ADGRB3: variants seen among roughly 807,000 people sequenced by gnomAD.
ADGRB3 encodes adhesion G protein-coupled receptor B3.
ADGRB3 carries 37 observed loss-of-function variants against 193.4 expected under a neutral mutation model. The observed-to-expected ratio is 0.19, with a 90% CI of 0.15 to 0.25. The LOEUF (loss-of-function observed/expected upper bound fraction) is 0.25. ADGRB3 is among the 10% of genes least tolerant of loss of function. The pLI is 1.00. For missense variants in ADGRB3, 1,637 were observed against 1,852.9 expected (o/e 0.88, Z 2.14); for synonymous variants, 690 against 644.2 (o/e 1.07, Z -1.08).
At chr6:69,179,731 G>T (rs553188285) in intron 17 of ADGRB3, among the ~76,000 whole-genome samples, 51 of 152,192 alleles carry the variant, frequency 3.4e-4, no homozygotes, top group African/African-American at 1.2e-3. Flanking sequence ...GCTGGGTAAG[G>T]TTTTTTGGCT....
At chr6:69,275,019 C>T (rs547622150) in intron 20 of ADGRB3, among the ~76,000 whole-genome samples, 41 of 152,150 alleles carry the variant, frequency 2.7e-4, no homozygotes, top group African/African-American at 9.4e-4. Context: ...TTGTTTGGCC[C>T]CCTACCACAG....
At chr6:69,159,853 C>T (rs182314128) in intron 17 of ADGRB3, among the ~76,000 whole-genome samples, 278 of 152,194 alleles carry the variant, frequency 1.8e-3, no homozygotes, top group South Asian at 3.5e-3. Flanking sequence ...GCATTCCAAA[C>T]GCAAATTCCA....
At position 69,031,661 on chromosome 6, in the gene ADGRB3, T is replaced by C. The variant is rs577572444; in HGVS notation, c.2107+13162T>C. On this transcript the variant is annotated intron_variant, in intron 13 of 31. Coordinates refer to ENST00000370598, the MANE Select transcript of ADGRB3 (RefSeq NM_001704.3). The stretch of plus-strand genomic sequence containing the variant: ...TCTTTTTTTATTTTTTTGAGACAGG[T>C]TCTTAATTTGTCACTCAGGCTGGAG... Among the ~76,000 whole-genome samples, 479 of 150,924 alleles carry C rather than the reference T, an allele frequency of 3.2e-3. 2 individuals carry two copies. The highest frequency in any genetic ancestry group is 0.011 in the African/African-American group (465 of 41,034).
chr6:68,649,965 A>C lies in ADGRB3; in HGVS notation c.757+10533A>C, dbSNP rs140880750. Among the ~76,000 whole-genome samples, 479 of 152,266 alleles carry C rather than the reference A, an allele frequency of 3.1e-3. 1 individual carries two copies. The highest frequency in any genetic ancestry group is 3.8e-3 in the Non-Finnish European group (256 of 68,026). ...CCACTGTTTCTAGCTCTGGGCACTG[A>C]ACTATCTTTCCTTGCTTACTCAAAG... On this transcript the variant is annotated intron_variant, in intron 3 of 31. Coordinates refer to ENST00000370598, the MANE Select transcript of ADGRB3 (RefSeq NM_001704.3).
At chr6:68,830,606 A>G (rs1176181965) in intron 3 of ADGRB3, among the ~76,000 whole-genome samples, 1 of 152,174 alleles carries the variant, frequency 6.6e-6, no homozygotes, top group Non-Finnish European at 1.5e-5. Context: ...ATATTTTAAA[A>G]TACCATGAAA....
intron 17 of ADGRB3, among the ~76,000 whole-genome samples, chr6:69,150,166 A>T (rs1334064610): frequency 6.6e-6 from 1 of 152,130 alleles, no homozygotes; most frequent in Non-Finnish European, 1.5e-5. Context: ...TGGTGAAGCC[A>T]GTCATGTTTG....
At chr6:68,973,152 C>A (rs1249791202) in intron 8 of ADGRB3, among the ~76,000 whole-genome samples, 1 of 152,142 alleles carries the variant, frequency 6.6e-6, no homozygotes, top group South Asian at 2.1e-4. Context: ...AATTCAAGGT[C>A]ATGAAGAGTA....
intron 17 of ADGRB3, among the ~76,000 whole-genome samples, chr6:69,121,753 G>A (rs576655573): frequency 2.1e-4 from 29 of 140,210 alleles, no homozygotes; most frequent in African/African-American, 6.7e-4. Context: ...GCAGCCAGGC[G>A]TAGGCGCTCC....
Position 69,053,333 on chromosome 6 carries a change from A to G in ADGRB3, c.2333+3987A>G, listed in dbSNP as rs143244477. Among the ~76,000 whole-genome samples the G allele has an allele frequency of 4.7e-3, 723 of 152,300 alleles. 5 individuals are homozygous for G. Among genetic ancestry groups the G allele is most frequent in the Non-Finnish European group, 6.3e-3 (431 of 68,012 alleles). ...AGATTATATGTCCATTAGGTAACTG[A>G]GTTATAATACAACTTATCTTGTTTG... On this transcript the variant is annotated intron_variant, in intron 15 of 31. Coordinates refer to ENST00000370598, the MANE Select transcript of ADGRB3 (RefSeq NM_001704.3).
At chr6:68,749,848 T>C (rs1049692075) in intron 3 of ADGRB3, among the ~76,000 whole-genome samples, 10 of 152,210 alleles carry the variant, frequency 6.6e-5, no homozygotes, top group Non-Finnish European at 1.2e-4. Flanking sequence ...GATGGTCATA[T>C]TGATGACACT....
intron 3 of ADGRB3, among the ~76,000 whole-genome samples, chr6:68,907,844 A>T (rs1300525427): frequency 5.3e-5 from 8 of 151,922 alleles, no homozygotes; most frequent in Non-Finnish European, 7.4e-5. Context: ...CACACTAGGT[A>T]GCTTTTCATC....
At chr6:68,833,429 G>A (rs1767989935) in intron 3 of ADGRB3, among the ~76,000 whole-genome samples, 4 of 151,414 alleles carry the variant, frequency 2.6e-5, no homozygotes, top group South Asian at 2.1e-4. Flanking sequence ...ACAATATATC[G>A]AGTCCTTCAG....
intron 11 of ADGRB3, among the ~76,000 whole-genome samples, chr6:69,000,348 A>G (rs540450106): frequency 2.0e-5 from 3 of 152,358 alleles, no homozygotes; most frequent in African/African-American, 7.2e-5. Flanking sequence ...CAACATTTTC[A>G]TCAACCAATC....
intron 11 of ADGRB3, among the ~76,000 whole-genome samples, chr6:69,011,579 A>G (rs2150284231): frequency 6.6e-6 from 1 of 152,162 alleles, no homozygotes; most frequent in South Asian, 2.1e-4. Flanking sequence ...AAACCTCAGC[A>G]TCACACAATA....
At chr6:69,351,954 C>A (rs1168597054) in intron 26 of ADGRB3, among the ~76,000 whole-genome samples, 2 of 152,148 alleles carry the variant, frequency 1.3e-5, no homozygotes, top group Non-Finnish European at 2.9e-5. Flanking sequence ...TGATAGAAAT[C>A]TTCATGAGAC....
At chr6:69,297,374 C>CTT (rs1391648520) in intron 20 of ADGRB3, among the ~76,000 whole-genome samples, 14 of 125,064 alleles carry the variant, frequency 1.1e-4, no homozygotes, top group Middle Eastern at 4.9e-3. Context: ...CTCTTTCTCT[C>CTT]TCTCTCTCTC....
chr6:69,092,925 T>C (rs1772757148), intron 17 of ADGRB3, among the ~76,000 whole-genome samples: 1 of 151,214 alleles, frequency 6.6e-6, no homozygotes, highest in African/African-American at 2.4e-5. Flanking sequence ...CAATGTTTGG[T>C]GGAGAGGGGT....
At chr6:69,088,013 G>A (rs987195111) in intron 17 of ADGRB3, among the ~76,000 whole-genome samples, 21 of 152,110 alleles carry the variant, frequency 1.4e-4, no homozygotes, top group African/African-American at 4.8e-4. Context: ...ATAGTTTCAG[G>A]CATGCAAAAC....
At chr6:68,807,104 T>C (rs993653866) in intron 3 of ADGRB3, among the ~76,000 whole-genome samples, 21 of 152,142 alleles carry the variant, frequency 1.4e-4, no homozygotes, top group Admixed American at 7.9e-4. Flanking sequence ...TGTAAACCGG[T>C]TACAAAATAT....
Sources: allele counts gnomAD v4.1 joint callset (sites outside exome capture counted in the v4.1 genomes callset), GRCh38; gene constraint gnomAD v4.1.1; transcripts MANE v1.5; gene names NCBI Gene and HGNC (gene_info 2026-07-23, HGNC 2026-07-21).